Variants in STAM observed in about 807,000 individuals in gnomAD.
STAM encodes the protein signal transducing adaptor molecule, also known as signal transducing adapter molecule 1.
In STAM, 16 loss-of-function variants were observed where a neutral mutation model predicts 63.4. The ratio of observed to expected loss-of-function variants is 0.25; its 90% confidence interval spans 0.17 to 0.38. The LOEUF (loss-of-function observed/expected upper bound fraction) is 0.38, where lower values mean the gene tolerates loss of function less well. Among genes scored for constraint, STAM ranks in the 10% least tolerant of loss-of-function variants. The probability of loss-of-function intolerance (pLI) is 1.00; values close to 1 mark genes in which losing one functional copy is unlikely to be tolerated. For missense variants in STAM, 636 were observed against 657.1 expected (o/e 0.97, Z 0.35); for synonymous variants, 238 against 223.9 (o/e 1.06, Z -0.56).
chr10:17,712,819 G>A (rs1317822418), intron 13 of STAM, among the ~76,000 whole-genome samples: 1 of 152,138 alleles, frequency 6.6e-6, no homozygotes, highest in African/African-American at 2.4e-5. Flanking sequence ...TTTAATGGGA[G>A]CAGTGCACAA....
At chr10:17,655,084 C>G (rs1271160435) in intron 1 of STAM, among the ~76,000 whole-genome samples, 1 of 152,206 alleles carries the variant, frequency 6.6e-6, no homozygotes, top group African/African-American at 2.4e-5. Context: ...TGATTCTCCT[C>G]TTCTCTCTCT....
chr10:17,687,582 G>A (rs1478995703), intron 4 of STAM, among the ~76,000 whole-genome samples: 4 of 152,184 alleles, frequency 2.6e-5, no homozygotes, highest in Admixed American at 1.3e-4. Flanking sequence ...AACATGCAGT[G>A]TACCTCAAAC....
intron 9 of STAM, among the ~76,000 whole-genome samples, chr10:17,701,512 TG>T (rs1835995886): frequency 6.6e-6 from 1 of 152,230 alleles, no homozygotes; most frequent in South Asian, 2.1e-4. Context: ...TGGCTGCTTT[TG>T]TGCTGCAGTG....
chr10:17,682,715 T>C (rs1325272757), intron 2 of STAM, among the ~76,000 whole-genome samples: 1 of 152,212 alleles, frequency 6.6e-6, no homozygotes, highest in Non-Finnish European at 1.5e-5. Flanking sequence ...AAAATGTGTA[T>C]AATGCCATGG....
At chr10:17,659,418 AGTT>A (rs1416648174) in intron 1 of STAM, among the ~76,000 whole-genome samples, 2 of 150,624 alleles carry the variant, frequency 1.3e-5, no homozygotes, top group Non-Finnish European at 3.0e-5. Flanking sequence ...TAAAAATAAA[AGTT>A]ATTATTTTTA....
intron 6 of STAM, among the ~76,000 whole-genome samples, chr10:17,694,768 A>T (rs1835682689): frequency 6.6e-6 from 1 of 152,156 alleles, no homozygotes. Context: ...TAGATTTAAG[A>T]GTTTGTATTT....
intron 1 of STAM, among the ~76,000 whole-genome samples, chr10:17,650,898 T>C (rs543845831): frequency 1.1e-4 from 17 of 151,862 alleles, no homozygotes; most frequent in Admixed American, 2.0e-4. Flanking sequence ...ACCCCATCTC[T>C]ACTAAAAATA....
At position 17,696,790 on chromosome 10, in the gene STAM, G is replaced by A. The variant is rs782194989; in HGVS notation, c.744G>A (p.Trp248Ter). The change falls in exon 8 of 14, where the codon TGG becomes TGA. Residue 248 changes from tryptophan to a stop codon, truncating the protein, a stop_gained. Transcript: ENST00000377524. LOFTEE classifies it high-confidence loss of function. ...TVLDDSDPNW[W>*]KGETHQGIGL... The stretch of plus-strand genomic sequence containing the variant: ...TTTGTCATAGTGATCCTAACTGGTG[G>A]AAAGGTGAAACCCATCAAGGCATAG... The A allele has an allele frequency of 6.2e-7, 1 of 1,613,462 alleles. No homozygotes were observed. Among genetic ancestry groups the A allele is most frequent in the Non-Finnish European group, 8.5e-7 (1 of 1,179,410 alleles).
At chr10:17,693,174 G>T in intron 5 of STAM, 48 bp from the exon 6 acceptor site, 2 of 1,534,692 alleles carry the variant, frequency 1.3e-6, no homozygotes, top group South Asian at 1.2e-5. Flanking sequence ...GTGAGAGGAG[G>T]AGAATTTGAT....
chr10:17,686,744 G>T (rs1393427656), intron 4 of STAM, among the ~76,000 whole-genome samples: 2 of 152,140 alleles, frequency 1.3e-5, no homozygotes, highest in Non-Finnish European at 2.9e-5. Flanking sequence ...TCTCAATAAA[G>T]CGTTTGCAAA....
At chr10:17,651,710 G>A (rs1008011087) in intron 1 of STAM, among the ~76,000 whole-genome samples, 14 of 152,190 alleles carry the variant, frequency 9.2e-5, no homozygotes, top group Non-Finnish European at 5.9e-5. Flanking sequence ...CAGTTTCCAG[G>A]AGGATCAGGG....
intron 4 of STAM, 114 bp downstream of exon 4, chr10:17,685,041 C>G: frequency 3.9e-6 from 3 of 765,098 alleles, no homozygotes; most frequent in Non-Finnish European, 6.2e-6. Flanking sequence ...CCTTTCTAGG[C>G]TGTGTCTATC....
At chr10:17,649,160 T>G (rs1198868576) in intron 1 of STAM, among the ~76,000 whole-genome samples, 2 of 152,210 alleles carry the variant, frequency 1.3e-5, no homozygotes, top group African/African-American at 4.8e-5. Context: ...CCCCTACACT[T>G]TGGGAGGCTG....
At chr10:17,692,825 A>C (rs1554826936) in intron 5 of STAM, among the ~76,000 whole-genome samples, 2 of 152,240 alleles carry the variant, frequency 1.3e-5, no homozygotes, top group South Asian at 4.1e-4. Context: ...CTATTAATAG[A>C]TACTACAGTT....
Position 17,688,600 on chromosome 10 carries a change from C to A in STAM, c.444+427C>A, listed in dbSNP as rs575023456. Among the ~76,000 whole-genome samples, 6 of 151,706 alleles carry A rather than the reference C, an allele frequency of 4.0e-5. 1 individual carries two copies. The highest frequency in any genetic ancestry group is 8.8e-5 in the Non-Finnish European group (6 of 67,918). ...GCCGCAGCCTCCTGAGTAGCTGGGA[C>A]TACATGCACGTGCAGCCAGACCTGG... On this transcript the variant is annotated intron_variant, in intron 5 of 13. Transcript: ENST00000377524.
intron 2 of STAM, among the ~76,000 whole-genome samples, chr10:17,679,893 T>G (rs1835009530): frequency 6.6e-6 from 1 of 152,114 alleles, no homozygotes; most frequent in Non-Finnish European, 1.5e-5. Context: ...TAGGGTCTTT[T>G]AAAATCCTTT....
At chr10:17,685,614 A>C (rs12247383) in intron 4 of STAM, among the ~76,000 whole-genome samples, 1,919 of 152,274 alleles carry the variant, frequency 0.013, 28 homozygotes, top group African/African-American at 0.044. Flanking sequence ...TTAGCAACAT[A>C]CTTGATCTTT....
At position 17,705,006 on chromosome 10, in the gene STAM, A is replaced by G; in HGVS notation, c.1037A>G (p.Lys346Arg). 6.2e-7 allele frequency: 1 copy of G among 1,613,434 alleles called. No homozygotes were observed. Among genetic ancestry groups the G allele is most frequent in the Non-Finnish European group, 8.5e-7 (1 of 1,179,686 alleles). The change falls in exon 11 of 14, where the codon AAG (lysine) becomes AGG (arginine). Residue 346 changes from lysine (K) to arginine (R), a missense_variant. Around this residue, in one of 3 missense-constraint regions of STAM, gnomAD observed 532 missense variants for 536.9 expected, o/e 0.99. Coordinates refer to ENST00000377524, the MANE Select transcript of STAM (RefSeq NM_003473.4). ...CAGATGGGACCTCTCATTGATGAAA[A>G]GCTGGAAGATATTGATAGGTAAAAG... ...CHQMGPLIDE[K>R]LEDIDRKHSE...
chr10:17,650,273 C>T (rs1554821364), intron 1 of STAM, among the ~76,000 whole-genome samples: 1 of 152,098 alleles, frequency 6.6e-6, no homozygotes, highest in African/African-American at 2.4e-5. Context: ...GTATAGGACC[C>T]CTTTGAATTC....
Sources: gnomAD v4.1 joint callset for allele counts (sites outside exome capture counted in the v4.1 genomes callset) on GRCh38, gnomAD v4.1.1 for gene constraint, gnomAD v4.1.1 regional missense constraint, MANE v1.5 for transcripts, NCBI Gene and HGNC (gene_info 2026-07-23, HGNC 2026-07-21) for gene names.